The following NPAS3 variants were observed in gnomAD, a reference collection of about 807,000 sequenced individuals.
NPAS3 encodes neuronal PAS domain protein 3.
In NPAS3, 14 loss-of-function variants were observed where a neutral mutation model predicts 73.1. The observed-to-expected ratio is 0.19, with a 90% CI of 0.13 to 0.30. The LOEUF (loss-of-function observed/expected upper bound fraction) is 0.30. NPAS3 is among the 10% of genes least tolerant of loss of function. NPAS3 has a pLI of 1.00. For synonymous variants in NPAS3, 620 were observed against 541.5 expected, an observed-to-expected ratio of 1.14 and a Z score of -2.01; for missense variants, 1,096 against 1,250.0, an observed-to-expected ratio of 0.88 and a Z score of 1.86.
At chr14:33,589,645 A>T (rs1406247206) in intron 5 of NPAS3, among the ~76,000 whole-genome samples, 2 of 152,056 alleles carry the variant, frequency 1.3e-5, no homozygotes, top group Non-Finnish European at 1.5e-5. Context: ...ATCTACTATA[A>T]AGTTTTTTAT....
At chr14:32,963,608 C>T (rs961373274) in intron 1 of NPAS3, among the ~76,000 whole-genome samples, 1 of 152,112 alleles carries the variant, frequency 6.6e-6, no homozygotes, top group African/African-American at 2.4e-5. Flanking sequence ...CCCTTCTTCC[C>T]CTGGACAAAT....
chr14:33,173,849 A>G (rs1201791591), intron 2 of NPAS3, among the ~76,000 whole-genome samples: 1 of 152,192 alleles, frequency 6.6e-6, no homozygotes, highest in Non-Finnish European at 1.5e-5. Flanking sequence ...TTAACAGGAA[A>G]TGTTTCTTCC....
chr14:33,441,204 T>C (rs1284048800), intron 4 of NPAS3, among the ~76,000 whole-genome samples: 1 of 152,234 alleles, frequency 6.6e-6, no homozygotes, highest in Non-Finnish European at 1.5e-5. Context: ...TGAGAGAATT[T>C]TAAGAAATAT....
chr14:33,490,547 A>C (rs897604687), intron 4 of NPAS3, among the ~76,000 whole-genome samples: 1 of 152,030 alleles, frequency 6.6e-6, no homozygotes, highest in African/African-American at 2.4e-5. Context: ...CCATATTTCC[A>C]TGGAGTTTTG....
chr14:33,239,393 T>A (rs1394836269), intron 3 of NPAS3, among the ~76,000 whole-genome samples: 2 of 151,926 alleles, frequency 1.3e-5, no homozygotes, highest in Non-Finnish European at 2.9e-5. Flanking sequence ...ATTTTGTTAT[T>A]TAATCTGTGA....
rs540635905 is a variant in NPAS3, at chr14:33,542,775, C to T, written c.469-17346C>T. ...TGGTACACGTTTGCCTGAGTGCGCA[C>T]GCACATGATGGGAGGGAGGTGCTGG... On this transcript the variant is annotated intron_variant, in intron 4 of 11. Transcript: ENST00000356141. 7.2e-5 allele frequency among the ~76,000 whole-genome samples: 11 copies of T among 152,282 alleles called. No homozygotes were observed. In the South Asian group the frequency reaches 8.3e-4, roughly 11 times the overall value.
At chr14:33,741,379 C>CT (rs1483977145) in intron 7 of NPAS3, among the ~76,000 whole-genome samples, 1 of 152,168 alleles carries the variant, frequency 6.6e-6, no homozygotes. Flanking sequence ...TATTGCCTTT[C>CT]AATCAACCCA....
chr14:33,173,615 G>T (rs1276525423), intron 2 of NPAS3, among the ~76,000 whole-genome samples: 1 of 152,116 alleles, frequency 6.6e-6, no homozygotes, highest in African/African-American at 2.4e-5. Context: ...AGCACCCAAT[G>T]GTATCATACT....
At chr14:33,089,925 A>G (rs936354812) in intron 2 of NPAS3, among the ~76,000 whole-genome samples, 16 of 152,188 alleles carry the variant, frequency 1.1e-4, no homozygotes, top group Non-Finnish European at 2.1e-4. Flanking sequence ...GAGAAATAAA[A>G]TCCTTTACAG....
intron 7 of NPAS3, among the ~76,000 whole-genome samples, chr14:33,756,803 G>A (rs2062129069): frequency 6.6e-6 from 1 of 152,194 alleles, no homozygotes. Flanking sequence ...CCATCTGAAG[G>A]AAAACAGAGA....
intron 5 of NPAS3, among the ~76,000 whole-genome samples, chr14:33,576,735 G>T (rs2056449252): frequency 1.3e-5 from 2 of 152,202 alleles, no homozygotes; most frequent in Admixed American, 1.3e-4. Context: ...GCCCTCTTCT[G>T]ATACGAATCG....
intron 6 of NPAS3, among the ~76,000 whole-genome samples, chr14:33,733,150 G>A (rs549964268): frequency 2.0e-5 from 3 of 152,066 alleles, no homozygotes; most frequent in Non-Finnish European, 4.4e-5. Context: ...CTGAGTTTGT[G>A]GTGTGGTTCT....
chr14:33,614,162 T>A (rs1052072751), intron 5 of NPAS3, among the ~76,000 whole-genome samples: 1 of 152,232 alleles, frequency 6.6e-6, no homozygotes, highest in Non-Finnish European at 1.5e-5. Flanking sequence ...TTCATGCATG[T>A]TACTGGGAGT....
chr14:33,042,350 T>A (rs1299405269), intron 1 of NPAS3, among the ~76,000 whole-genome samples: 1 of 152,152 alleles, frequency 6.6e-6, no homozygotes, highest in African/African-American at 2.4e-5. Context: ...ATCCTCTATT[T>A]AGAAGCACCT....
intron 3 of NPAS3, among the ~76,000 whole-genome samples, chr14:33,276,457 A>T (rs77741127): frequency 0.065 from 9,850 of 152,158 alleles, 832 homozygotes; most frequent in East Asian, 0.32. Context: ...TATTATGAAC[A>T]ATAATATTTA....
chr14:33,754,097 C>A (rs1433512970), intron 7 of NPAS3, among the ~76,000 whole-genome samples: 2 of 152,100 alleles, frequency 1.3e-5, no homozygotes, highest in South Asian at 2.1e-4. Context: ...TGGAGGTGCC[C>A]CGCGACCCCA....
chr14:33,305,420 T>C (rs765326476), intron 3 of NPAS3, among the ~76,000 whole-genome samples: 31 of 152,084 alleles, frequency 2.0e-4, no homozygotes, highest in Non-Finnish European at 4.4e-4. Flanking sequence ...TAGGACATTC[T>C]CACCTTGCAA....
At chr14:33,140,640 G>A (rs1341665751) in intron 2 of NPAS3, among the ~76,000 whole-genome samples, 3 of 151,938 alleles carry the variant, frequency 2.0e-5, no homozygotes, top group African/African-American at 7.3e-5. Flanking sequence ...TTTTCCCATC[G>A]ATGCAGGATT....
intron 6 of NPAS3, among the ~76,000 whole-genome samples, chr14:33,688,147 G>A (rs1163689369): frequency 6.6e-6 from 1 of 152,176 alleles, no homozygotes; most frequent in East Asian, 1.9e-4. Context: ...GCATGTCACT[G>A]AGGTTTGGTG....
Sources: gnomAD v4.1 joint callset for allele counts (sites outside exome capture counted in the v4.1 genomes callset) on GRCh38, gnomAD v4.1.1 for gene constraint, MANE v1.5 for transcripts, NCBI Gene and HGNC (gene_info 2026-07-23, HGNC 2026-07-21) for gene names.